The following HELZ variants were observed in gnomAD, a reference collection of about 807,000 sequenced individuals.
HELZ encodes the protein ATP-dependent RNA helicase with zinc finger domain.
A neutral mutation model predicts 218.2 loss-of-function variants in HELZ; 23 were observed. That is an observed-to-expected ratio of 0.11 (90% CI 0.08 to 0.15). The LOEUF is 0.15. Among genes scored for constraint, HELZ ranks in the 10% least tolerant of loss-of-function variants. HELZ has a pLI of 1.00. For missense variants in HELZ, 1,813 were observed against 2,353.7 expected, an observed-to-expected ratio of 0.77 and a Z score of 4.75; for synonymous variants, 814 against 829.4, an observed-to-expected ratio of 0.98 and a Z score of 0.32.
chr17:67,186,330 T>TA (rs2039755200), intron 12 of HELZ, among the ~76,000 whole-genome samples: 1 of 152,088 alleles, frequency 6.6e-6, no homozygotes, highest in African/African-American at 2.4e-5. Context: ...CTATGACAGG[T>TA]ATTACTAGCC....
upstream of HELZ, chr17:67,245,237 C>T (rs888013438): frequency 1.0e-6 from 1 of 984,302 alleles, no homozygotes; most frequent in Non-Finnish European, 1.2e-6. Context: ...AGTGACTCCC[C>T]CCGGCCCCCG....
chr17:67,212,314 CAAAAAAA>C (rs10692832), intron 5 of HELZ, among the ~76,000 whole-genome samples: 4 of 21,396 alleles, frequency 1.9e-4, no homozygotes, highest in South Asian at 4.4e-3. Context: ...GACACCATCT[CAAAAAAA>C]AAAAAAAAAA....
intron 31 of HELZ, among the ~76,000 whole-genome samples, chr17:67,089,696 G>GAGAGAGAGAGAGAGAGAGAGAGAGAGAC (rs34752223): frequency 3.0e-4 from 37 of 122,678 alleles, no homozygotes; most frequent in Non-Finnish European, 4.9e-4. Flanking sequence ...GAGAGAGAGA[G>GAGAGAGAGAGAGAGAGAGAGAGAGAGAC]AGAGACAGAG....
At chr17:67,245,314 G>A (rs902711348), upstream of HELZ, 32 of 811,370 alleles carry the variant, frequency 3.9e-5, no homozygotes, top group Non-Finnish European at 4.6e-5. Context: ...GTTGCCCCGG[G>A]TGGACTGCCG....
At chr17:67,193,044 C>T (rs2039937048) in intron 9 of HELZ, among the ~76,000 whole-genome samples, 1 of 152,122 alleles carries the variant, frequency 6.6e-6, no homozygotes, top group Non-Finnish European at 1.5e-5. Flanking sequence ...GTAAATTTCA[C>T]ATTAACAAAT....
At chr17:67,097,788 A>G (rs1163818523) in intron 31 of HELZ, among the ~76,000 whole-genome samples, 1 of 152,230 alleles carries the variant, frequency 6.6e-6, no homozygotes, top group Admixed American at 6.5e-5. Flanking sequence ...AATAGTTTGC[A>G]GTAAAAGTTT....
intron 13 of HELZ, chr17:67,172,982 G>A (rs2039355377): frequency 1.2e-6 from 1 of 823,270 alleles, no homozygotes; most frequent in Admixed American, 6.2e-5. Context: ...CAATTTAGCA[G>A]GCATGAAAAG....
At chr17:67,136,308 G>T (rs1170264480) in intron 22 of HELZ, 110 bp from the exon 23 acceptor site, 1 of 722,346 alleles carries the variant, frequency 1.4e-6, no homozygotes, top group African/African-American at 1.8e-5. Context: ...AAACATTGGC[G>T]AAGATGTGGA....
intron 12 of HELZ, among the ~76,000 whole-genome samples, chr17:67,187,964 T>C (rs2039801532): frequency 6.6e-6 from 1 of 152,190 alleles, no homozygotes; most frequent in Non-Finnish European, 1.5e-5. Flanking sequence ...ATTGTAGGTA[T>C]ATACACAATT....
At chr17:67,175,804 T>C (rs1009930224) in intron 13 of HELZ, among the ~76,000 whole-genome samples, 1 of 152,240 alleles carries the variant, frequency 6.6e-6, no homozygotes, top group East Asian at 1.9e-4. Flanking sequence ...TTATCAGTTA[T>C]ATCTTGAAGA....
chr17:67,199,979 C>T (rs1355976499), intron 7 of HELZ, among the ~76,000 whole-genome samples: 2 of 152,154 alleles, frequency 1.3e-5, no homozygotes, highest in Non-Finnish European at 2.9e-5. Flanking sequence ...CCTCATATCA[C>T]CTACCTCTCT....
chr17:67,132,608 G>A (rs993917617), intron 23 of HELZ, among the ~76,000 whole-genome samples: 3 of 152,192 alleles, frequency 2.0e-5, no homozygotes, highest in Non-Finnish European at 4.4e-5. Flanking sequence ...GGGTTGTTAG[G>A]AGGAGTGAAT....
chr17:67,175,112 T>C (rs1255146681), intron 13 of HELZ, among the ~76,000 whole-genome samples: 2 of 152,172 alleles, frequency 1.3e-5, no homozygotes, highest in Admixed American at 6.5e-5. Flanking sequence ...CTGGTATTGA[T>C]TGAACAGACA....
At position 67,208,603 on chromosome 17, in the gene HELZ, G is replaced by T. The variant is rs537541048; in HGVS notation, c.248-5160C>A. Among the ~76,000 whole-genome samples, 138 of 152,102 alleles carry T rather than the reference G, an allele frequency of 9.1e-4. 1 individual carries two copies. Among genetic ancestry groups the T allele is most frequent in the African/African-American group, 3.2e-3 (134 of 41,520 alleles). ...ATTTTTTAAAAAATAGTTTGTAACT[G>T]GATCTAACAATGAATTAAGAAATGT... On this transcript the variant is annotated intron_variant, in intron 5 of 32. Coordinates refer to ENST00000358691, the MANE Select transcript of HELZ (RefSeq NM_014877.4).
intron 18 of HELZ, 38 bp from the exon 19 acceptor site, chr17:67,150,023 AG>A (rs2038626685): frequency 8.1e-7 from 1 of 1,241,634 alleles, no homozygotes; most frequent in African/African-American, 1.5e-5. Context: ...AGCACGCTAG[AG>A]CAGCAACAAA....
intron 13 of HELZ, among the ~76,000 whole-genome samples, chr17:67,177,377 C>T (rs1001581358): frequency 1.2e-4 from 18 of 152,004 alleles, no homozygotes; most frequent in African/African-American, 3.6e-4. Context: ...TTAGGCTTCA[C>T]ATGCACATTC....
At chr17:67,165,870 A>T (rs2039127440) in intron 15 of HELZ, among the ~76,000 whole-genome samples, 1 of 152,198 alleles carries the variant, frequency 6.6e-6, no homozygotes, top group African/African-American at 2.4e-5. Flanking sequence ...CATGTGTAGT[A>T]GCTCACATCC....
At chr17:67,194,707 A>C (rs552496388) in intron 8 of HELZ, among the ~76,000 whole-genome samples, 2 of 152,320 alleles carry the variant, frequency 1.3e-5, no homozygotes, top group South Asian at 4.1e-4. Context: ...CTAGAACTTT[A>C]TAGAGGTTGA....
At chr17:67,151,474 T>C (rs1231275336) in intron 17 of HELZ, among the ~76,000 whole-genome samples, 1 of 152,188 alleles carries the variant, frequency 6.6e-6, no homozygotes, top group Non-Finnish European at 1.5e-5. Flanking sequence ...CCTAATTATT[T>C]TTAAGTGTTC....
Sources: gnomAD v4.1 joint callset for allele counts (sites outside exome capture counted in the v4.1 genomes callset) on GRCh38, gnomAD v4.1.1 for gene constraint, MANE v1.5 for transcripts, NCBI Gene and HGNC (gene_info 2026-07-23, HGNC 2026-07-21) for gene names.